The following CERT1 variants were observed in gnomAD, a reference collection of about 807,000 sequenced individuals.
The protein encoded by CERT1 is ceramide transfer protein.
In CERT1, 31 loss-of-function variants were observed where a neutral mutation model predicts 87.9. That is an observed-to-expected ratio of 0.35 (90% CI 0.27 to 0.48). CERT1 has a LOEUF of 0.48. Among genes scored for constraint, CERT1 ranks in the 20% least tolerant of loss-of-function variants. The pLI, the probability that CERT1 is intolerant of heterozygous loss-of-function variation, is 0.99. For missense variants in CERT1, 487 were observed against 758.0 expected, an observed-to-expected ratio of 0.64 and a Z score of 4.20; for synonymous variants, 289 against 250.9, an observed-to-expected ratio of 1.15 and a Z score of -1.44.
chr5:75,390,968 ATTTTT>A (rs926547190), intron 11 of CERT1, among the ~76,000 whole-genome samples: 4 of 142,702 alleles, frequency 2.8e-5, no homozygotes, highest in African/African-American at 1.0e-4. Flanking sequence ...CATGCCTAAC[ATTTTT>A]TTTTTTTTAA....
At chr5:75,374,779 T>C, downstream of CERT1, 1 of 547,616 alleles carries the variant, frequency 1.8e-6, no homozygotes, top group South Asian at 1.4e-5. Context: ...CTGCGGGTGC[T>C]GCCCCATGAC....
intron 3 of CERT1, among the ~76,000 whole-genome samples, chr5:75,433,861 T>A (rs1763973582): frequency 6.6e-6 from 1 of 152,142 alleles, no homozygotes; most frequent in Non-Finnish European, 1.5e-5. Flanking sequence ...ATACCCTGAA[T>A]TTGTTTATTG....
Position 75,404,304 on chromosome 5 carries a change from A to AC in CERT1, c.931-1247_931-1246insG, listed in dbSNP as rs1397935883. On this transcript the variant is annotated intron_variant, in intron 8 of 16. Coordinates refer to ENST00000643780, the MANE Select transcript of CERT1 (RefSeq NM_001379029.1). ...CAACCTACTTCATAAAAAAAAAAAA[A>AC]AAAAAAAAAACAACTTTCTATTCAG... 2.6e-5 allele frequency among the ~76,000 whole-genome samples: 4 copies of AC among 151,832 alleles called. No individual in the cohort carries two copies. In the South Asian group the frequency reaches 8.3e-4, roughly 32 times the overall value.
chr5:75,471,754 C>CAAAAAA (rs796209502), intron 2 of CERT1, among the ~76,000 whole-genome samples: 95 of 50,374 alleles, frequency 1.9e-3, no homozygotes, highest in African/African-American at 3.0e-3. Context: ...GACTTCATCT[C>CAAAAAA]AAAAAAAAAA....
intron 8 of CERT1, 54 bp from the exon 9 acceptor site, chr5:75,403,112 T>G (rs1762564155): frequency 8.8e-7 from 1 of 1,140,284 alleles, no homozygotes; most frequent in African/African-American, 1.6e-5. Context: ...AACAGAAAAC[T>G]CTGATAACTC....
At chr5:75,458,741 G>C (rs1354379540) in intron 3 of CERT1, among the ~76,000 whole-genome samples, 1 of 152,030 alleles carries the variant, frequency 6.6e-6, no homozygotes, top group Non-Finnish European at 1.5e-5. Context: ...TAGTAGAAAA[G>C]GGATTTCACC....
intron 2 of CERT1, among the ~76,000 whole-genome samples, chr5:75,463,658 G>A (rs757262463): frequency 1.3e-5 from 2 of 152,180 alleles, no homozygotes; most frequent in Non-Finnish European, 2.9e-5. Context: ...CAGGGGTTTG[G>A]TCTAGGTCCT....
In CERT1 at chr5:75,511,240, C is replaced by T. The variant is rs755104888; in HGVS notation, c.-33G>A. On this transcript the variant is annotated 5_prime_UTR_variant, in exon 1 of 17. Transcript: ENST00000643780. ...CGACAACCGAGCAGGAGACCGGCCCCCGCTCCCTCAGCTGCGCCGGAGGAG... is the reference window on the plus strand; with the variant it reads ...CGACAACCGAGCAGGAGACCGGCCCTCGCTCCCTCAGCTGCGCCGGAGGAG... 8 of 1,609,360 alleles carry T rather than the reference C, an allele frequency of 5.0e-6. No homozygotes were observed. The South Asian group carries it at 5.5e-5, about 11-fold the overall frequency.
intron 2 of CERT1, among the ~76,000 whole-genome samples, chr5:75,461,333 C>T (rs1403048545): frequency 2.0e-5 from 3 of 152,136 alleles, no homozygotes; most frequent in Non-Finnish European, 2.9e-5. Context: ...CTAGGTTGTT[C>T]GCTCCTTATG....
intron 7 of CERT1, among the ~76,000 whole-genome samples, chr5:75,415,720 C>G (rs1376443204): frequency 2.0e-5 from 3 of 151,442 alleles, no homozygotes; most frequent in Non-Finnish European, 1.5e-5. Context: ...AATCTTGAAC[C>G]ATTAGTCTAA....
rs765299358 is a variant in CERT1 at position 75,511,307 on chromosome 5, G to A, written c.-100C>T. 3.2e-6 allele frequency: 5 copies of A among 1,554,376 alleles called. No individual in the cohort carries two copies. Among genetic ancestry groups the A allele is most frequent in the Middle Eastern group, 1.7e-4 (1 of 5,856 alleles). ...GTGAAGGGTCGGGGGATGGCGAAGC[G>A]AAGAGTGCCCGCTCCGGTGTGGGGG... is the stretch of plus-strand genomic sequence containing the variant. On this transcript the variant is annotated 5_prime_UTR_variant, in exon 1 of 17. Transcript: ENST00000643780.
chr5:75,435,376 T>C (rs1764049242), intron 3 of CERT1, among the ~76,000 whole-genome samples: 1 of 152,236 alleles, frequency 6.6e-6, no homozygotes, highest in Admixed American at 6.5e-5. Context: ...CCTTCTCTTG[T>C]TTGTCAAGGA....
rs976688356 is a variant in CERT1 at position 75,511,443 on chromosome 5, G to C, written c.-236C>G. 2.0e-6 allele frequency: 3 copies of C among 1,527,686 alleles called. No individual in the cohort carries two copies. Among genetic ancestry groups the C allele is most frequent in the Non-Finnish European group, 2.6e-6 (3 of 1,136,594 alleles). The allele number at this position is 1,527,686 out of a possible 1,614,324, so 94.6% of individuals were successfully genotyped here. On this transcript the variant is annotated 5_prime_UTR_variant, in exon 1 of 17. Coordinates refer to ENST00000643780, the MANE Select transcript of CERT1 (RefSeq NM_001379029.1). ...AGGAAGCCTACCCTTCCAGCCGTCA[G>C]CCGCCGCCGCCGTCGCCGTGACCCC...
At chr5:75,487,667 C>T (rs1766587415) in intron 2 of CERT1, among the ~76,000 whole-genome samples, 1 of 151,900 alleles carries the variant, frequency 6.6e-6, no homozygotes, top group South Asian at 2.1e-4. Context: ...GTTGAAAGAT[C>T]TGAATAGACA....
At chr5:75,433,550 T>C (rs1763960500) in intron 3 of CERT1, among the ~76,000 whole-genome samples, 1 of 152,196 alleles carries the variant, frequency 6.6e-6, no homozygotes, top group South Asian at 2.1e-4. Flanking sequence ...AGATAGGGTC[T>C]CGTGCTGTCA....
intron 2 of CERT1, among the ~76,000 whole-genome samples, chr5:75,474,392 G>A (rs1362757542): frequency 6.6e-6 from 1 of 152,022 alleles, no homozygotes; most frequent in African/African-American, 2.4e-5. Flanking sequence ...TTTTGTCTGC[G>A]GCTCGTCCTG....
chr5:75,444,544 TTTTC>T (rs1245018879), intron 3 of CERT1, among the ~76,000 whole-genome samples: 47 of 148,362 alleles, frequency 3.2e-4, no homozygotes, highest in Non-Finnish European at 6.1e-4. Flanking sequence ...TTTGCTTTTC[TTTTC>T]TTTTTTTTTT....
At chr5:75,403,763 T>C (rs987837863) in intron 8 of CERT1, among the ~76,000 whole-genome samples, 2 of 152,350 alleles carry the variant, frequency 1.3e-5, no homozygotes, top group Non-Finnish European at 2.9e-5. Context: ...GGGAGACTTC[T>C]TACAATGAAA....
chr5:75,496,404 AC>A (rs1179738117), intron 2 of CERT1, among the ~76,000 whole-genome samples: 2 of 152,194 alleles, frequency 1.3e-5, no homozygotes, highest in Non-Finnish European at 2.9e-5. Flanking sequence ...ACTTTGGAAA[AC>A]AGTTTCACAG....
Sources: allele counts gnomAD v4.1 joint callset (sites outside exome capture counted in the v4.1 genomes callset), GRCh38; gene constraint gnomAD v4.1.1; transcripts MANE v1.5; gene names NCBI Gene and HGNC (gene_info 2026-07-23, HGNC 2026-07-21).